The following ZNF44 variants were observed in gnomAD, a reference collection of about 807,000 sequenced individuals.
The protein encoded by ZNF44 is zinc finger protein 44.
Under a neutral mutation model 11.7 loss-of-function variants are expected in ZNF44, and 9 were observed. The ratio of observed to expected loss-of-function variants is 0.77; its 90% confidence interval spans 0.46 to 1.35. ZNF44 has a LOEUF of 1.35. Ranked by LOEUF, ZNF44 falls within the 40% of genes most tolerant of loss-of-function variation. The pLI, the probability that ZNF44 is intolerant of heterozygous loss-of-function variation, is 0.00. For synonymous variants in ZNF44, 224 were observed against 242.7 expected (o/e 0.92, Z 0.72); for missense variants, 696 against 743.1 (o/e 0.94, Z 0.74).
At position 12,231,204 on chromosome 19, in the gene ZNF44, T is replaced by A. The variant is rs184736303; in HGVS notation, n.381-689A>T. On this transcript the variant is annotated intron_variant and non_coding_transcript_variant, in intron 2 of 3. Transcript: ENST00000597563. Reference sequence around the variant, plus strand: ...TACCTCCACCTACCCATTACTGAGGTTATGTCCTGTGTGGGTATGTTTGAA... The same window carrying A: ...TACCTCCACCTACCCATTACTGAGGATATGTCCTGTGTGGGTATGTTTGAA... Among the ~76,000 whole-genome samples, 19 of 152,258 alleles carry A rather than the reference T, an allele frequency of 1.2e-4. No individual in the cohort carries two copies. The East Asian group carries it at 3.7e-3, about 29-fold the overall frequency.
chr19:12,241,812 TAAAC>T (rs1399640398), upstream of ZNF44, among the ~76,000 whole-genome samples: 1 of 152,160 alleles, frequency 6.6e-6, no homozygotes, highest in East Asian at 1.9e-4. Context: ...TATGGATGGA[TAAAC>T]AAAGTGTGGT....
intron 1 of ZNF44, among the ~76,000 whole-genome samples, chr19:12,235,185 G>C (rs981285822): frequency 1.3e-5 from 2 of 151,994 alleles, no homozygotes; most frequent in African/African-American, 4.8e-5. Flanking sequence ...CTGGCTAACA[G>C]GGTGAAACCC....
chr19:12,285,244 T>C (rs916440216), intron 1 of ZNF44: 1 of 360,310 alleles, frequency 2.8e-6, no homozygotes, highest in Non-Finnish European at 5.0e-6. Context: ...TAAACAGACA[T>C]GTATGCATTG....
In ZNF44 at chr19:12,272,862, T is replaced by G; in HGVS notation, c.1393A>C (p.Ser465Arg). The G allele has an allele frequency of 6.2e-7, 1 of 1,614,080 alleles. No homozygotes were observed. The change falls in exon 4 of 4, where the codon AGT becomes CGT. Residue 465 changes from serine (S) to arginine (R), a missense_variant. By Grantham distance (110) the Ser-to-Arg change is moderately radical. Coordinates refer to ENST00000355684, the MANE Select transcript of ZNF44 (RefSeq NM_016264.4). ...TCTTCACTGTGTGTTGTTTCATGAC[T>G]TTGAAAGGAAAATAAATCACTAAAA... ...KAFSDLFSFQ[S>R]HETTHSEEEP...
At chr19:12,248,688 A>G in intron 7 of ZNF44, 1 of 1,241,114 alleles carries the variant, frequency 8.1e-7, no homozygotes, top group South Asian at 1.4e-5. Flanking sequence ...TCTGTAAAAA[A>G]TGAGTAGCAC....
intron 1 of ZNF44, among the ~76,000 whole-genome samples, chr19:12,278,915 G>A (rs1967348349): frequency 6.6e-6 from 1 of 152,114 alleles, no homozygotes; most frequent in Non-Finnish European, 1.5e-5. Context: ...TTTCAGCTCT[G>A]GCTAACATCC....
At chr19:12,286,925 A>G (rs1967783884) in intron 1 of ZNF44, among the ~76,000 whole-genome samples, 1 of 151,890 alleles carries the variant, frequency 6.6e-6, no homozygotes, top group African/African-American at 2.4e-5. Context: ...ACTCTGTCTC[A>G]AAAATAAAAA....
intron 5 of ZNF44, among the ~76,000 whole-genome samples, chr19:12,263,050 G>T (rs1917577937): frequency 6.6e-6 from 1 of 151,722 alleles, no homozygotes; most frequent in Admixed American, 6.6e-5. Flanking sequence ...TCAGTTTAAG[G>T]TTCTGACCCA....
chr19:12,236,366 A>G (rs927546939), intron 1 of ZNF44, among the ~76,000 whole-genome samples: 1 of 152,224 alleles, frequency 6.6e-6, no homozygotes, highest in African/African-American at 2.4e-5. Context: ...TTGCTTCCCA[A>G]GGACACCAAA....
At chr19:12,239,443 TG>T (rs199717349), upstream of ZNF44, among the ~76,000 whole-genome samples, 8,164 of 135,054 alleles carry the variant, frequency 0.06, 831 homozygotes, top group African/African-American at 0.22. Context: ...TTAAACAAGA[TG>T]GGGGTCTCAC....
Position 12,289,252 on chromosome 19 carries a change from G to A in ZNF44, c.3+5440C>T, listed in dbSNP as rs749573749. Among the ~76,000 whole-genome samples the A allele has an allele frequency of 2.8e-4, 43 of 152,088 alleles. 1 individual carries two copies. In the Middle Eastern group the frequency reaches 9.5e-3, roughly 34 times the overall value. On this transcript the variant is annotated intron_variant, in intron 1 of 3. Transcript: ENST00000355684. ...AGCCTGGGGAGGTCAAGGCTGCAGT[G>A]AGCTGTGATGGCCCCACTGCACTCT... is the stretch of plus-strand genomic sequence containing the variant.
chr19:12,291,826 T>C (rs2145773741), intron 1 of ZNF44, among the ~76,000 whole-genome samples: 1 of 149,784 alleles, frequency 6.7e-6, no homozygotes, highest in African/African-American at 2.5e-5. Flanking sequence ...ACCCTGTCTC[T>C]ACTTAAAAAT....
intron 1 of ZNF44, among the ~76,000 whole-genome samples, chr19:12,285,720 C>T (rs557397663): frequency 3.3e-5 from 5 of 152,182 alleles, no homozygotes; most frequent in African/African-American, 1.2e-4. Context: ...AAAAAATTAA[C>T]TTAAAAGTCA....
intron 5 of ZNF44, among the ~76,000 whole-genome samples, chr19:12,258,786 C>T (rs111587411): frequency 0.19 from 28,498 of 151,990 alleles, 2,763 homozygotes; most frequent in East Asian, 0.28. Flanking sequence ...GCTGAGATCC[C>T]GCCATGCACT....
chr19:12,275,431 A>C (rs1430045084), intron 2 of ZNF44, among the ~76,000 whole-genome samples: 1 of 152,098 alleles, frequency 6.6e-6, no homozygotes, highest in Non-Finnish European at 1.5e-5. Context: ...GGCAGATCAC[A>C]AGGTCAGGAG....
chr19:12,286,636 C>CA lies in ZNF44; in HGVS notation c.3+8055dup, dbSNP rs1374385125. On this transcript the variant is annotated intron_variant, in intron 1 of 3. Transcript: ENST00000355684. ...TGGGTGAAAGAGCGAGACTTGGTCTCAAAAAAAAGAAAGAAAGAAAACAGA... is the reference window on the plus strand; with the variant it reads ...TGGGTGAAAGAGCGAGACTTGGTCTCAAAAAAAAAGAAAGAAAGAAAACAGA... Among the ~76,000 whole-genome samples, 84 of 144,694 alleles carry CA rather than the reference C, an allele frequency of 5.8e-4. 1 individual carries two copies. Among genetic ancestry groups the CA allele is most frequent in the South Asian group, 3.9e-3 (18 of 4,618 alleles). 94.9% of individuals were successfully genotyped at this position (144,694 alleles called of 152,430 possible). A position where few individuals can be genotyped will look rare whatever the true frequency, so the allele number is the denominator to read the frequency against.
intron 3 of ZNF44, 131 bp from the exon 4 acceptor site, chr19:12,274,194 C>A: frequency 1.4e-6 from 1 of 713,168 alleles, no homozygotes; most frequent in Non-Finnish European, 2.3e-6. Context: ...TGTGAATGGA[C>A]TGAATGTTGT....
chr19:12,291,960 C>T (rs560538475), intron 1 of ZNF44, among the ~76,000 whole-genome samples: 5 of 150,846 alleles, frequency 3.3e-5, no homozygotes, highest in Non-Finnish European at 7.4e-5. Context: ...CCATTGCACT[C>T]CAGCCTGGGC....
chr19:12,248,513 G>C lies in ZNF44; in HGVS notation c.*352C>G, dbSNP rs1290501144. 2.3e-6 allele frequency: 3 copies of C among 1,290,888 alleles called. No individual in the cohort carries two copies. In the South Asian group the frequency reaches 3.7e-5, roughly 16 times the overall value. The allele number at this position is 1,290,888 out of a possible 1,614,324, so 80.0% of individuals were successfully genotyped here. Reference sequence around the variant, plus strand: ...GTCTGGTGTAAGATCTAATGTGCCTGTTAAGGGATGAATGATGGCTCAAGA... The same window carrying C: ...GTCTGGTGTAAGATCTAATGTGCCTCTTAAGGGATGAATGATGGCTCAAGA... On this transcript the variant is annotated 3_prime_UTR_variant and NMD_transcript_variant, in exon 8 of 8. Coordinates refer to the ZNF44 transcript ENST00000393337.
Sources: gnomAD v4.1 joint callset for allele counts (sites outside exome capture counted in the v4.1 genomes callset) on GRCh38, gnomAD v4.1.1 for gene constraint, MANE v1.5 for transcripts, NCBI Gene and HGNC (gene_info 2026-07-23, HGNC 2026-07-21) for gene names.